Variants in CAMK1G observed in about 807,000 individuals in gnomAD.
CAMK1G encodes calcium/calmodulin dependent protein kinase IG.
Under a neutral mutation model 54.8 loss-of-function variants are expected in CAMK1G, and 27 were observed. That is an observed-to-expected ratio of 0.49 (90% CI 0.36 to 0.68). CAMK1G has a LOEUF of 0.68. Among genes scored for constraint, CAMK1G ranks in the 30% least tolerant of loss-of-function variants. CAMK1G has a pLI of 0.00. For synonymous variants in CAMK1G, 238 were observed against 224.9 expected, an observed-to-expected ratio of 1.06 and a Z score of -0.52; for missense variants, 512 against 591.0, an observed-to-expected ratio of 0.87 and a Z score of 1.39.
Position 209,605,612 on chromosome 1 carries a change from C to T in CAMK1G, c.373C>T (p.Gln125Ter). 1 of 1,614,134 alleles carries T rather than the reference C, an allele frequency of 6.2e-7. No individual in the cohort carries two copies. The highest frequency in any genetic ancestry group is 8.5e-7 in the Non-Finnish European group (1 of 1,180,014). Residue 125 changes from glutamine to a stop codon, truncating the protein, a stop_gained, in exon 5 of 13, where the codon CAG (glutamine) becomes TAG (stop). Coordinates refer to ENST00000361322, the MANE Select transcript of CAMK1G (RefSeq NM_020439.3). LOFTEE classifies it high-confidence loss of function. ...YTEKDASLVI[Q>*]QVLSAVKYLH... ...AGAGAAGGATGCCAGTCTGGTGATC[C>T]AGCAGGTCTTGTCGGCAGTGAAATA... is the stretch of plus-strand genomic sequence containing the variant.
chr1:209,609,585 T>C (rs1222999960), intron 8 of CAMK1G, among the ~76,000 whole-genome samples: 1 of 152,224 alleles, frequency 6.6e-6, no homozygotes, highest in Non-Finnish European at 1.5e-5. Flanking sequence ...GCACATGTGA[T>C]GTGCAGGCAC....
intron 1 of CAMK1G, 138 bp from the exon 2 acceptor site, chr1:209,594,817 G>C (rs566337606): frequency 6.0e-5 from 34 of 571,268 alleles, no homozygotes; most frequent in South Asian, 2.3e-5. Flanking sequence ...ACTTTTTCCA[G>C]TTATCCAGGT....
chr1:209,593,114 A>C (rs1665297611), intron 1 of CAMK1G, among the ~76,000 whole-genome samples: 1 of 152,252 alleles, frequency 6.6e-6, no homozygotes, highest in Non-Finnish European at 1.5e-5. Context: ...CAGATAAGGA[A>C]ATAGATTCAA....
chr1:209,605,421 ATGGGG>A, intron 4 of CAMK1G, 110 bp from the exon 5 acceptor site: 1 of 1,280,082 alleles, frequency 7.8e-7, no homozygotes. Flanking sequence ...ATCACAGTTC[ATGGGG>A]GCCTGCCTGT....
chr1:209,603,177 AC>A, intron 3 of CAMK1G, 36 bp from the exon 4 acceptor site: 1 of 1,610,854 alleles, frequency 6.2e-7, no homozygotes. Context: ...TACAACCTGA[AC>A]CACATACCTT....
chr1:209,595,899 C>G (rs1665369851), intron 2 of CAMK1G, among the ~76,000 whole-genome samples: 1 of 150,534 alleles, frequency 6.6e-6, no homozygotes, highest in Non-Finnish European at 1.5e-5. Flanking sequence ...AGTCCTGCCT[C>G]TCCCCTGGGA....
chr1:209,598,856 C>T lies in CAMK1G; in HGVS notation c.93-1127C>T, dbSNP rs138449176. ...TGGTGGCTCATACCTGTAATCCCAA[C>T]GCTTTGGAAAGCCAAAGGAGAAGAG... On this transcript the variant is annotated intron_variant, in intron 2 of 12. Transcript: ENST00000361322. Among the ~76,000 whole-genome samples, 84 of 152,278 alleles carry T rather than the reference C, an allele frequency of 5.5e-4. No homozygotes were observed. The East Asian group carries it at 0.012, about 21-fold the overall frequency.
rs1056430560 is a variant in CAMK1G at position 209,613,640 on chromosome 1, C to T, written c.*638C>T. 1 of 152,242 alleles carries T rather than the reference C, an allele frequency of 6.6e-6. No individual in the cohort carries two copies. Among genetic ancestry groups the T allele is most frequent in the Non-Finnish European group, 1.5e-5 (1 of 68,068 alleles). 9.4% of individuals were successfully genotyped at this position (152,242 alleles called of 1,614,324 possible). ...CAGCCAGCACACTTCTGGCCCTTCT[C>T]CCTGCCTCAATCTAAAAGCAGTGCC... On this transcript the variant is annotated 3_prime_UTR_variant, in exon 13 of 13. Transcript: ENST00000361322.
chr1:209,586,183 T>C (rs1355082426), intron 1 of CAMK1G, among the ~76,000 whole-genome samples: 4 of 152,152 alleles, frequency 2.6e-5, no homozygotes. Context: ...GGAAGGTTAA[T>C]AGTAATGAGC....
intron 1 of CAMK1G, among the ~76,000 whole-genome samples, chr1:209,592,795 C>T (rs987806011): frequency 1.3e-5 from 2 of 152,192 alleles, no homozygotes; most frequent in Non-Finnish European, 2.9e-5. Context: ...AAGAGCCTCG[C>T]TTGTATCATA....
chr1:209,583,827 A>C (rs1041315467), intron 1 of CAMK1G, 55 bp downstream of exon 1: 3 of 152,122 alleles, frequency 2.0e-5, no homozygotes, highest in African/African-American at 7.2e-5. Context: ...GCTTAATGGG[A>C]AGCGTGCAGC....
At chr1:209,586,776 A>G (rs2102378940) in intron 1 of CAMK1G, among the ~76,000 whole-genome samples, 1 of 152,230 alleles carries the variant, frequency 6.6e-6, no homozygotes, top group African/African-American at 2.4e-5. Context: ...ACTTAGCAGC[A>G]CACTAAGAAT....
intron 8 of CAMK1G, 85 bp from the exon 9 acceptor site, chr1:209,609,766 A>G: frequency 3.0e-6 from 4 of 1,344,332 alleles, no homozygotes; most frequent in African/African-American, 1.4e-5. Flanking sequence ...AGATGCATTC[A>G]CTGCCACCCA....
At chr1:209,596,825 A>C (rs1665402411) in intron 2 of CAMK1G, among the ~76,000 whole-genome samples, 1 of 152,178 alleles carries the variant, frequency 6.6e-6, no homozygotes, top group African/African-American at 2.4e-5. Context: ...TCATTGTCAC[A>C]CTCAAGAAAG....
At chr1:209,604,748 A>G (rs2235452) in intron 4 of CAMK1G, among the ~76,000 whole-genome samples, 39,630 of 152,092 alleles carry the variant, frequency 0.26, 7,000 homozygotes, top group African/African-American at 0.5. Flanking sequence ...AAAGGTGCAC[A>G]GGAAAGGCTG....
intron 8 of CAMK1G, 73 bp from the exon 9 acceptor site, chr1:209,609,778 C>A: frequency 6.9e-7 from 1 of 1,457,352 alleles, no homozygotes; most frequent in Non-Finnish European, 9.6e-7. Flanking sequence ...TGCCACCCAC[C>A]AGCCCGGAAG....
rs544117251 is a variant in CAMK1G at position 209,589,003 on chromosome 1, T to A, written c.-30+5231T>A. Among the ~76,000 whole-genome samples the A allele has an allele frequency of 1.2e-4, 19 of 152,232 alleles. No homozygotes were observed. In the South Asian group the frequency reaches 3.9e-3, roughly 32 times the overall value. Reference sequence around the variant, plus strand: ...AGTTTTCCCCCAAGAGGCCAGGAAGTTCATCCAAAAAATACAATTGAGCCG... The same window carrying A: ...AGTTTTCCCCCAAGAGGCCAGGAAGATCATCCAAAAAATACAATTGAGCCG... On this transcript the variant is annotated intron_variant, in intron 1 of 12. Coordinates refer to ENST00000361322, the MANE Select transcript of CAMK1G (RefSeq NM_020439.3).
At position 209,591,429 on chromosome 1, in the gene CAMK1G, C is replaced by CA. The variant is rs539380105; in HGVS notation, c.-29-3519dup. Among the ~76,000 whole-genome samples, 8 of 152,186 alleles carry CA rather than the reference C, an allele frequency of 5.3e-5. No homozygotes were observed. The East Asian group carries it at 1.2e-3, about 22-fold the overall frequency. ...GTTGACACATTATTAAAATGTACAC[C>CA]AAAAAAATGCAGCTTCCTATTTCTT... On this transcript the variant is annotated intron_variant, in intron 1 of 12. Transcript: ENST00000361322.
chr1:209,609,829 T>C, intron 8 of CAMK1G, 22 bp from the exon 9 acceptor site: 1 of 1,613,628 alleles, frequency 6.2e-7, no homozygotes, highest in Non-Finnish European at 8.5e-7. Context: ...TTAGTCGTCG[T>C]GTCTTTGATT....
Sources: allele counts gnomAD v4.1 joint callset (sites outside exome capture counted in the v4.1 genomes callset), GRCh38; gene constraint gnomAD v4.1.1; transcripts MANE v1.5; gene names NCBI Gene and HGNC (gene_info 2026-07-23, HGNC 2026-07-21).